DHX15: variants seen among roughly 807,000 people sequenced by gnomAD.
DHX15 encodes the protein DEAH-box helicase 15, also known as ATP-dependent RNA helicase DHX15.
Under a neutral mutation model 94.4 loss-of-function variants are expected in DHX15, and 11 were observed. The observed-to-expected ratio is 0.12, with a 90% CI of 0.07 to 0.19. The LOEUF (loss-of-function observed/expected upper bound fraction) is 0.19. Among genes scored for constraint, DHX15 ranks in the 10% least tolerant of loss-of-function variants. DHX15 has a pLI of 1.00. For synonymous variants in DHX15, 338 were observed against 329.9 expected, an observed-to-expected ratio of 1.02 and a Z score of -0.27; for missense variants, 304 against 988.5, an observed-to-expected ratio of 0.31 and a Z score of 9.29.
intron 1 of DHX15, among the ~76,000 whole-genome samples, chr4:24,579,868 C>T (rs950163312): frequency 6.6e-6 from 1 of 152,112 alleles, no homozygotes; most frequent in Admixed American, 6.5e-5. Context: ...CTGTTTCAAG[C>T]GATTCTCCTG....
intron 3 of DHX15, among the ~76,000 whole-genome samples, chr4:24,564,774 TG>T (rs1478578191): frequency 6.6e-6 from 1 of 152,100 alleles, no homozygotes; most frequent in African/African-American, 2.4e-5. Context: ...CTGGTTACAA[TG>T]ACAACAAACT....
intron 6 of DHX15, among the ~76,000 whole-genome samples, chr4:24,547,903 GTATATATATATA>G (rs869194543): frequency 0.4 from 28,416 of 70,714 alleles, 3,713 homozygotes; most frequent in East Asian, 0.6. Flanking sequence ...GTATGTATGT[GTATATATATATA>G]TATATATATA....
At position 24,548,850 on chromosome 4, in the gene DHX15, G is replaced by A. The variant is rs1721522499; in HGVS notation, c.1248+5C>T. 1.9e-6 allele frequency: 3 copies of A among 1,608,694 alleles called. No individual in the cohort carries two copies. The South Asian group carries it at 3.3e-5, about 18-fold the overall frequency. ...AATATTTATAAAGAGCATTTCTAATGTTACCTTTCTTCCAATTGCTCCATT... is the reference window on the plus strand; with the variant it reads ...AATATTTATAAAGAGCATTTCTAATATTACCTTTCTTCCAATTGCTCCATT... On this transcript the variant is annotated splice_donor_5th_base_variant and intron_variant, in intron 6 of 13. Coordinates refer to ENST00000336812, the MANE Select transcript of DHX15 (RefSeq NM_001358.3).
chr4:24,574,480 CTT>C (rs1722198596), intron 2 of DHX15, among the ~76,000 whole-genome samples: 1 of 150,614 alleles, frequency 6.6e-6, no homozygotes, highest in Admixed American at 6.6e-5. Context: ...CAAACCTCAT[CTT>C]GAGTTGACCT....
chr4:24,577,402 T>C (rs552863952), intron 1 of DHX15, among the ~76,000 whole-genome samples: 1 of 152,330 alleles, frequency 6.6e-6, no homozygotes, highest in South Asian at 2.1e-4. Context: ...TATTGCTTTA[T>C]TAAAAAAACT....
At chr4:24,540,552 A>T (rs1031758619) in intron 9 of DHX15, among the ~76,000 whole-genome samples, 1 of 151,958 alleles carries the variant, frequency 6.6e-6, no homozygotes, top group Non-Finnish European at 1.5e-5. Context: ...TGTTTATCAA[A>T]CTGTTTTTCC....
At position 24,576,663 on chromosome 4, in the gene DHX15, T is replaced by C. The variant is rs1214003878; in HGVS notation, c.87A>G (p.Arg29=). ...RAGTDGKDRD[R]DRDREDRSKD... ...TAGACCGATCTTCACGATCCCGGTC[T>C]CGATCTCGATCCTTCCTAAAAACAA... Residue 29 remains arginine (R), a synonymous_variant, in exon 2 of 14, where the codon CGA becomes CGG. Transcript: ENST00000336812. 2 of 1,611,406 alleles carry C rather than the reference T, an allele frequency of 1.2e-6. No individual in the cohort carries two copies. Among genetic ancestry groups the C allele is most frequent in the Admixed American group, 3.3e-5 (2 of 59,892 alleles).
intron 10 of DHX15, chr4:24,539,052 A>T (rs893570701): frequency 1.3e-5 from 2 of 152,296 alleles, no homozygotes; most frequent in South Asian, 2.1e-4. Flanking sequence ...CAATTTAATT[A>T]AAGTGACTCA....
intron 6 of DHX15, among the ~76,000 whole-genome samples, chr4:24,545,352 A>G (rs1027513099): frequency 6.6e-6 from 1 of 152,254 alleles, no homozygotes; most frequent in African/African-American, 2.4e-5. Context: ...TCTCCACAAA[A>G]TAATTTCATC....
rs750274422 is a variant in DHX15 at position 24,576,196 on chromosome 4, A to G, written c.507+47T>C. On this transcript the variant is annotated intron_variant, in intron 2 of 13. Transcript: ENST00000336812. ...CAGAATCAAATATGCAACATTTGGT[A>G]AACTTAAACATAAATGAAATATGTA... 1.3e-5 allele frequency: 20 copies of G among 1,485,628 alleles called. No homozygotes were observed. In the East Asian group the frequency reaches 4.6e-4, roughly 34 times the overall value. The allele number at this position is 1,485,628 out of a possible 1,614,324, so 92.0% of individuals were successfully genotyped here.
In DHX15 at chr4:24,529,690, A is replaced by G. The variant is rs1224691496; in HGVS notation, c.2181T>C (p.Leu727=). 6.2e-7 allele frequency: 1 copy of G among 1,614,252 alleles called. No individual in the cohort carries two copies. Among genetic ancestry groups the G allele is most frequent in the Admixed American group, 1.7e-5 (1 of 60,034 alleles). ...AAAGCACCCATTCAGGTTTGTGGTC[A>G]AGAACAGTAGAGGGATGCAACTGAA... ...QVVQLHPSTV[L]DHKPEWVLYN... is the part of the protein sequence containing the mutation. The change falls in exon 13 of 14, where the codon CTT becomes CTC. Residue 727 remains leucine (L), a synonymous_variant. Transcript: ENST00000336812.
chr4:24,584,511 A>C lies in DHX15; in HGVS notation c.-118T>G. ...CACCCCTCCCGCTACTACAGCCCACACGGTGCGGCCGGAACCAACAGCTAA... is the reference window on the plus strand; with the variant it reads ...CACCCCTCCCGCTACTACAGCCCACCCGGTGCGGCCGGAACCAACAGCTAA... On this transcript the variant is annotated 5_prime_UTR_variant, in exon 1 of 14. Transcript: ENST00000336812. 6.0e-6 allele frequency: 6 copies of C among 1,007,022 alleles called. No individual in the cohort carries two copies. Among genetic ancestry groups the C allele is most frequent in the Non-Finnish European group, 8.5e-6 (6 of 701,870 alleles). 62.4% of individuals were successfully genotyped at this position (1,007,022 alleles called of 1,614,324 possible). A position where few individuals can be genotyped will look rare whatever the true frequency, so the allele number is the denominator to read the frequency against.
At chr4:24,563,627 A>AT (rs895472074) in intron 3 of DHX15, among the ~76,000 whole-genome samples, 10 of 152,158 alleles carry the variant, frequency 6.6e-5, no homozygotes, top group African/African-American at 1.9e-4. Flanking sequence ...TTAAAACATA[A>AT]TTTTTTTACT....
At chr4:24,539,941 CTA>C (rs1721275427) in intron 10 of DHX15, 165 bp downstream of exon 10, 1 of 477,234 alleles carries the variant, frequency 2.1e-6, no homozygotes, top group Non-Finnish European at 3.6e-6. Flanking sequence ...TTTGTAAGCA[CTA>C]TGTCATTACG....
At chr4:24,550,111 A>AAAAAAAAAC (rs1721558617) in intron 5 of DHX15, among the ~76,000 whole-genome samples, 6 of 147,014 alleles carry the variant, frequency 4.1e-5, no homozygotes, top group African/African-American at 1.5e-4. Flanking sequence ...AAAAAAAAAA[A>AAAAAAAAAC]AAAAAAAAAA....
rs201161526 is a variant in DHX15, at chr4:24,528,913, C to CAA, written c.2270+686_2270+687dup. Among the ~76,000 whole-genome samples, 132 of 147,896 alleles carry CAA rather than the reference C, an allele frequency of 8.9e-4. 2 individuals carry two copies. The highest frequency in any genetic ancestry group is 3.2e-3 in the African/African-American group (128 of 40,348). ...AAAAATGTTAAAAAACAAAACAAAA[C>CAA]AAAAAAAAACAGATTTCTGCAAGCA... is the stretch of plus-strand genomic sequence containing the variant. On this transcript the variant is annotated intron_variant, in intron 13 of 13. Coordinates refer to ENST00000336812, the MANE Select transcript of DHX15 (RefSeq NM_001358.3).
At chr4:24,551,550 G>A (rs1721605560) in intron 5 of DHX15, among the ~76,000 whole-genome samples, 1 of 151,802 alleles carries the variant, frequency 6.6e-6, no homozygotes. Flanking sequence ...ATCCTCCTTT[G>A]AAATCTCAAG....
chr4:24,566,037 C>A (rs1397731564), intron 3 of DHX15, among the ~76,000 whole-genome samples: 1 of 146,716 alleles, frequency 6.8e-6, no homozygotes, highest in Non-Finnish European at 1.5e-5. Context: ...TCTTCACAAA[C>A]CACCATTTTT....
chr4:24,532,241 C>G (rs1393050403), intron 12 of DHX15, among the ~76,000 whole-genome samples: 1 of 152,152 alleles, frequency 6.6e-6, no homozygotes, highest in African/African-American at 2.4e-5. Context: ...TAAATAAAAC[C>G]TTTTAAATTA....
Sources: allele counts gnomAD v4.1 joint callset (sites outside exome capture counted in the v4.1 genomes callset), GRCh38; gene constraint gnomAD v4.1.1; transcripts MANE v1.5; gene names NCBI Gene and HGNC (gene_info 2026-07-23, HGNC 2026-07-21).